FBXL13: variants seen among roughly 807,000 people sequenced by gnomAD.
FBXL13 encodes F-box and leucine rich repeat protein 13, also known as F-box and leucine-rich repeat protein 13.
A neutral mutation model predicts 83.6 loss-of-function variants in FBXL13; 67 were observed. That is an observed-to-expected ratio of 0.80 (90% CI 0.66 to 0.98). The LOEUF is 0.98. Ranked by LOEUF, FBXL13 falls within the 50% of genes least tolerant of loss-of-function variation. FBXL13 has a pLI of 0.00. For missense variants in FBXL13, 822 were observed against 866.5 expected, an observed-to-expected ratio of 0.95 and a Z score of 0.64; for synonymous variants, 272 against 299.5, an observed-to-expected ratio of 0.91 and a Z score of 0.95.
rs373349061 is a variant in FBXL13 at position 103,025,210 on chromosome 7, T to C, written c.348A>G (p.Gln116=). The stretch of plus-strand genomic sequence containing the variant: ...TTAACCTATTTTTCCATTTTTTCAA[T>C]TGAAGTTCATGTTTTAATATCTGCA... Residue 116 remains glutamine (Q), a synonymous_variant, in exon 6 of 20, where the codon CAA becomes CAG. Coordinates refer to ENST00000313221, the Ensembl canonical transcript of FBXL13. 1.3e-4 allele frequency: 208 copies of C among 1,580,498 alleles called. 1 individual carries two copies. Among genetic ancestry groups the C allele is most frequent in the Non-Finnish European group, 1.7e-4 (194 of 1,158,928 alleles).
intron 8 of FBXL13, chr7:102,934,790 C>A: frequency 1.9e-6 from 2 of 1,040,820 alleles, no homozygotes; most frequent in Non-Finnish European, 1.4e-6. Flanking sequence ...CGTGATGTCA[C>A]TTCCACCAGA....
chr7:102,827,730 T>A (rs1317771199), intron 18 of FBXL13, among the ~76,000 whole-genome samples: 3 of 152,078 alleles, frequency 2.0e-5, no homozygotes, highest in Non-Finnish European at 4.4e-5. Flanking sequence ...CCTGTGTCCA[T>A]GTGTTCTCAT....
At position 102,854,587 on chromosome 7, in the gene FBXL13, G is replaced by C. The variant is rs867116035; in HGVS notation, c.1719+190C>G. 5.9e-5 allele frequency among the ~76,000 whole-genome samples: 9 copies of C among 151,872 alleles called. 1 individual carries two copies. Among genetic ancestry groups the C allele is most frequent in the Non-Finnish European group, 8.8e-5 (6 of 67,968 alleles). On this transcript the variant is annotated intron_variant, in intron 17 of 19. Coordinates refer to ENST00000313221, the Ensembl canonical transcript of FBXL13. ...ATGTTATAACAATATCATTAATTTT[G>C]TTGTTTTTAAGCTTTATTTGTACTT...
At chr7:102,907,339 C>T (rs1029310023) in intron 11 of FBXL13, among the ~76,000 whole-genome samples, 1 of 151,816 alleles carries the variant, frequency 6.6e-6, no homozygotes, top group Non-Finnish European at 1.5e-5. Context: ...TATTATTATA[C>T]TTTAAGTTCT....
At chr7:102,945,548 G>A (rs754897817) in intron 8 of FBXL13, among the ~76,000 whole-genome samples, 3 of 152,042 alleles carry the variant, frequency 2.0e-5, no homozygotes, top group South Asian at 2.1e-4. Flanking sequence ...AAGAAGCCCC[G>A]TGATTTGGGT....
At chr7:103,043,500 A>C (rs1033392019) in intron 2 of FBXL13, among the ~76,000 whole-genome samples, 1 of 152,228 alleles carries the variant, frequency 6.6e-6, no homozygotes, top group African/African-American at 2.4e-5. Flanking sequence ...ATTATAAGTC[A>C]TGCTACTATA....
At chr7:102,835,614 T>TG (rs1443807990) in intron 17 of FBXL13, among the ~76,000 whole-genome samples, 3 of 92,152 alleles carry the variant, frequency 3.3e-5, no homozygotes, top group South Asian at 3.2e-4. Flanking sequence ...TTTTTTTTTT[T>TG]TTTTTTTTTT....
chr7:102,818,502 T>C (rs1798313572), intron 19 of FBXL13, among the ~76,000 whole-genome samples: 1 of 152,204 alleles, frequency 6.6e-6, no homozygotes, highest in Non-Finnish European at 1.5e-5. Flanking sequence ...ATAATAAAAG[T>C]CAACAGCTCC....
intron 9 of FBXL13, among the ~76,000 whole-genome samples, chr7:102,931,077 T>C (rs1364890654): frequency 1.3e-5 from 2 of 152,156 alleles, no homozygotes; most frequent in African/African-American, 4.8e-5. Flanking sequence ...GAGCCAGTGA[T>C]GTCTTGGTAG....
intron 14 of FBXL13, among the ~76,000 whole-genome samples, chr7:102,882,923 C>T (rs1300497503): frequency 6.6e-6 from 1 of 152,058 alleles, no homozygotes; most frequent in Admixed American, 6.5e-5. Flanking sequence ...AAAATCTATC[C>T]AGTACCCAAG....
intron 1 of FBXL13, among the ~76,000 whole-genome samples, chr7:103,062,284 A>G (rs1798000053): frequency 1.3e-5 from 2 of 152,186 alleles, no homozygotes; most frequent in Admixed American, 6.5e-5. Flanking sequence ...GTCTGTAAAC[A>G]ATGTACTGAC....
intron 16 of FBXL13, among the ~76,000 whole-genome samples, chr7:102,866,842 C>T (rs184341898): frequency 6.6e-6 from 1 of 152,310 alleles, no homozygotes; most frequent in East Asian, 1.9e-4. Flanking sequence ...TATGTGCCTC[C>T]TATGAACATC....
chr7:102,900,937 A>G (rs1812889426), intron 11 of FBXL13, among the ~76,000 whole-genome samples: 1 of 152,266 alleles, frequency 6.6e-6, no homozygotes. Context: ...TGATTAGGAA[A>G]GGAATTCAAT....
At chr7:102,918,702 G>A (rs143647359) in intron 10 of FBXL13, among the ~76,000 whole-genome samples, 31 of 152,256 alleles carry the variant, frequency 2.0e-4, no homozygotes, top group African/African-American at 7.5e-4. Context: ...TGAGGCTGCA[G>A]TGAGCTATCA....
At chr7:102,894,039 A>G (rs900323650) in intron 11 of FBXL13, among the ~76,000 whole-genome samples, 2 of 152,168 alleles carry the variant, frequency 1.3e-5, no homozygotes, top group Non-Finnish European at 2.9e-5. Flanking sequence ...AGAAAGAGAC[A>G]AAGAAATTCC....
In FBXL13 at chr7:102,963,679, A is replaced by G. The variant is rs1825633576; in HGVS notation, c.592-14T>C. 4 of 1,584,848 alleles carry G rather than the reference A, an allele frequency of 2.5e-6. No homozygotes were observed. Among genetic ancestry groups the G allele is most frequent in the Non-Finnish European group, 3.4e-6 (4 of 1,171,386 alleles). On this transcript the variant is annotated splice_polypyrimidine_tract_variant and intron_variant, in intron 7 of 19. Coordinates refer to ENST00000313221, the Ensembl canonical transcript of FBXL13. ...GGAAAAATCAATCTAAAAAGAATAAACAAAATGCATTAAGAAATGAGAAAG... is the reference window on the plus strand; with the variant it reads ...GGAAAAATCAATCTAAAAAGAATAAGCAAAATGCATTAAGAAATGAGAAAG...
intron 2 of FBXL13, 27 bp from the exon 3 acceptor site, chr7:103,055,205 A>AAAATTAATG: frequency 5.1e-6 from 6 of 1,177,346 alleles, no homozygotes; most frequent in South Asian, 1.3e-5. Flanking sequence ...AAATACAGTC[A>AAAATTAATG]AAATTAATTT....
At chr7:102,959,278 T>G (rs1256498031) in intron 8 of FBXL13, among the ~76,000 whole-genome samples, 2 of 152,056 alleles carry the variant, frequency 1.3e-5, no homozygotes, top group Non-Finnish European at 2.9e-5. Flanking sequence ...CACTAAAAAA[T>G]GTACAGACAC....
intron 10 of FBXL13, among the ~76,000 whole-genome samples, chr7:102,918,693 G>A (rs1219367399): frequency 1.3e-5 from 2 of 152,134 alleles, no homozygotes; most frequent in South Asian, 2.1e-4. Context: ...CCAGGAGTTT[G>A]AGGCTGCAGT....
Sources: gnomAD v4.1 joint callset for allele counts (sites outside exome capture counted in the v4.1 genomes callset) on GRCh38, gnomAD v4.1.1 for gene constraint, MANE v1.5 for transcripts, NCBI Gene and HGNC (gene_info 2026-07-23, HGNC 2026-07-21) for gene names.